Variants in GPATCH2 observed in about 807,000 individuals in gnomAD.
GPATCH2 encodes the protein G-patch domain containing 2.
In GPATCH2, 51 loss-of-function variants were observed where a neutral mutation model predicts 58.0. The ratio of observed to expected loss-of-function variants is 0.88; its 90% CI spans 0.70 to 1.11. The LOEUF (loss-of-function observed/expected upper bound fraction) is 1.11, where lower values mean the gene tolerates loss of function less well. Ranked by LOEUF, GPATCH2 falls within the 50% of genes most tolerant of loss-of-function variation. The pLI, the probability that GPATCH2 is intolerant of heterozygous loss-of-function variation, is 0.00. For missense variants in GPATCH2, 625 were observed against 652.2 expected (o/e 0.96, Z 0.45); for synonymous variants, 222 against 218.5 (o/e 1.02, Z -0.14).
Position 217,443,662 on chromosome 1 carries a change from C to A in GPATCH2, c.1366+5587G>T, listed in dbSNP as rs1487136322. Among the ~76,000 whole-genome samples the A allele has an allele frequency of 2.6e-5, 4 of 152,206 alleles. No individual in the cohort carries two copies. The East Asian group carries it at 7.7e-4, about 29-fold the overall frequency. ...GTTCTATTGGACATAGGTTGAACTT[C>A]ATTGTCCTTAAGTCCTTCAGCCTCT... On this transcript the variant is annotated intron_variant, in intron 9 of 9. Coordinates refer to ENST00000366935, the MANE Select transcript of GPATCH2 (RefSeq NM_018040.5).
intron 5 of GPATCH2, among the ~76,000 whole-genome samples, chr1:217,566,534 G>A (rs1290516249): frequency 2.6e-5 from 4 of 151,902 alleles, no homozygotes; most frequent in African/African-American, 9.7e-5. Flanking sequence ...ATCAATACAT[G>A]GGCAAAAGAT....
At chr1:217,566,480 T>C (rs1467828810) in intron 5 of GPATCH2, among the ~76,000 whole-genome samples, 1 of 152,220 alleles carries the variant, frequency 6.6e-6, no homozygotes, top group Non-Finnish European at 1.5e-5. Flanking sequence ...CACACAAATA[T>C]GACAGGCACA....
rs551544956 is a variant in GPATCH2, at chr1:217,614,672, A to G, written c.774-470T>C. On this transcript the variant is annotated intron_variant, in intron 2 of 9. Coordinates refer to ENST00000366935, the MANE Select transcript of GPATCH2 (RefSeq NM_018040.5). ...AACCACATTTACAAATATTCTGGAG[A>G]AGACATTACTTAAGAATTCACAACA... Among the ~76,000 whole-genome samples, 5 of 152,134 alleles carry G rather than the reference A, an allele frequency of 3.3e-5. No individual in the cohort carries two copies. The South Asian group carries it at 1.0e-3, about 32-fold the overall frequency.
In GPATCH2 at chr1:217,429,261, G is replaced by T. The variant is rs1220347262; in HGVS notation, c.*1884C>A. ...TGGCAAATTTGTAAGTAAAAAACTT[G>T]TAGAAAGTAATGATACCATGGGGTT... On this transcript the variant is annotated 3_prime_UTR_variant, in exon 10 of 10. Transcript: ENST00000366935. 2.0e-5 allele frequency: 3 copies of T among 152,134 alleles called. No individual in the cohort carries two copies. Among genetic ancestry groups the T allele is most frequent in the African/African-American group, 7.2e-5 (3 of 41,428 alleles). 9.4% of individuals were successfully genotyped at this position (152,134 alleles called of 1,614,324 possible). A position where few individuals can be genotyped will look rare whatever the true frequency, so the allele number is the denominator to read the frequency against.
intron 8 of GPATCH2, among the ~76,000 whole-genome samples, chr1:217,456,501 TA>T (rs1659948851): frequency 6.6e-6 from 1 of 152,146 alleles, no homozygotes; most frequent in Admixed American, 6.5e-5. Context: ...GCCACCCTGC[TA>T]GTGAAGGACT....
chr1:217,599,216 G>T (rs948718331), intron 5 of GPATCH2, among the ~76,000 whole-genome samples: 1 of 152,124 alleles, frequency 6.6e-6, no homozygotes, highest in Non-Finnish European at 1.5e-5. Context: ...GAACAAATCC[G>T]AATTTTATTA....
chr1:217,479,841 C>T (rs1471819832), intron 8 of GPATCH2, among the ~76,000 whole-genome samples: 1 of 151,394 alleles, frequency 6.6e-6, no homozygotes, highest in Non-Finnish European at 1.5e-5. Flanking sequence ...CCAATGGAAA[C>T]CAAAAAAGAG....
At chr1:217,500,512 G>C (rs760137689) in intron 6 of GPATCH2, among the ~76,000 whole-genome samples, 1 of 151,958 alleles carries the variant, frequency 6.6e-6, no homozygotes, top group Non-Finnish European at 1.5e-5. Context: ...GTTGAGAAGC[G>C]TATTGTTTGA....
intron 7 of GPATCH2, among the ~76,000 whole-genome samples, chr1:217,493,957 T>TG (rs1431350858): frequency 6.8e-6 from 1 of 147,332 alleles, no homozygotes; most frequent in Non-Finnish European, 1.5e-5. Flanking sequence ...CCAAATGTTA[T>TG]GGAAAAAAAA....
At chr1:217,567,046 C>T (rs12734362) in intron 5 of GPATCH2, among the ~76,000 whole-genome samples, 58,134 of 133,328 alleles carry the variant, frequency 0.44, 13,387 homozygotes, top group East Asian at 0.8. Flanking sequence ...TAACTTCTGG[C>T]TTTTTTTTTT....
chr1:217,454,343 A>C (rs1427104310), intron 8 of GPATCH2, among the ~76,000 whole-genome samples: 1 of 151,986 alleles, frequency 6.6e-6, no homozygotes, highest in Non-Finnish European at 1.5e-5. Context: ...TAATCCCAGC[A>C]CCTTGGGAGG....
At chr1:217,461,446 C>T (rs1482647267) in intron 8 of GPATCH2, among the ~76,000 whole-genome samples, 2 of 152,136 alleles carry the variant, frequency 1.3e-5, no homozygotes, top group African/African-American at 4.8e-5. Context: ...ACTGTATATT[C>T]CTTGAAGGCA....
intron 6 of GPATCH2, among the ~76,000 whole-genome samples, chr1:217,506,715 C>T (rs1276252242): frequency 6.6e-6 from 1 of 152,198 alleles, no homozygotes; most frequent in Non-Finnish European, 1.5e-5. Context: ...TCATGTGCTC[C>T]TTGCCGAACC....
At chr1:217,614,076 G>T in intron 3 of GPATCH2, 65 bp downstream of exon 3, 1 of 880,046 alleles carries the variant, frequency 1.1e-6, no homozygotes, top group Non-Finnish European at 1.9e-6. Context: ...GAAATAACCA[G>T]TAATAAGCTC....
At position 217,431,008 on chromosome 1, in the gene GPATCH2, C is replaced by T; in HGVS notation, c.*137G>A. The T allele has an allele frequency of 1.5e-6, 1 of 666,058 alleles. No homozygotes were observed. 41.3% of individuals were successfully genotyped at this position (666,058 alleles called of 1,614,324 possible). A position where few individuals can be genotyped will look rare whatever the true frequency, so the allele number is the denominator to read the frequency against. Reference sequence around the variant, plus strand: ...TCCCATTTCTCTCACTATGGCAGGACTGTATGCAGTAAGGAAGCTAGAGTG... The same window carrying T: ...TCCCATTTCTCTCACTATGGCAGGATTGTATGCAGTAAGGAAGCTAGAGTG... On this transcript the variant is annotated 3_prime_UTR_variant, in exon 10 of 10. Coordinates refer to ENST00000366935, the MANE Select transcript of GPATCH2 (RefSeq NM_018040.5).
At chr1:217,516,126 G>T (rs1230236576) in intron 5 of GPATCH2, among the ~76,000 whole-genome samples, 2 of 149,296 alleles carry the variant, frequency 1.3e-5, no homozygotes, top group African/African-American at 4.9e-5. Flanking sequence ...CATATAGATG[G>T]TTCTCAAAGG....
chr1:217,534,000 G>A (rs1227358292), intron 5 of GPATCH2, among the ~76,000 whole-genome samples: 1 of 152,100 alleles, frequency 6.6e-6, no homozygotes, highest in Non-Finnish European at 1.5e-5. Context: ...CAGATCACCT[G>A]AGGTCAAGAG....
At chr1:217,455,952 G>T (rs1558404881) in intron 8 of GPATCH2, among the ~76,000 whole-genome samples, 1 of 151,974 alleles carries the variant, frequency 6.6e-6, no homozygotes, top group Non-Finnish European at 1.5e-5. Context: ...TTTGGCTGGG[G>T]ATAGTCAGAG....
intron 1 of GPATCH2, among the ~76,000 whole-genome samples, chr1:217,621,306 T>C (rs1006614283): frequency 6.6e-6 from 1 of 152,186 alleles, no homozygotes; most frequent in Non-Finnish European, 1.5e-5. Flanking sequence ...TTAGTTGGGG[T>C]GACATACAGC....
Sources: gnomAD v4.1 joint callset for allele counts (sites outside exome capture counted in the v4.1 genomes callset) on GRCh38, gnomAD v4.1.1 for gene constraint, MANE v1.5 for transcripts, NCBI Gene and HGNC (gene_info 2026-07-23, HGNC 2026-07-21) for gene names.